The following CLASP1 variants were observed in gnomAD, a reference collection of about 807,000 sequenced individuals.
The protein encoded by CLASP1 is cytoplasmic linker associated protein 1, also known as CLIP-associating protein 1.
A neutral mutation model predicts 192.3 loss-of-function variants in CLASP1; 38 were observed. That is an observed-to-expected ratio of 0.20 (90% confidence interval 0.15 to 0.26). The LOEUF is 0.26. Ranked by LOEUF, CLASP1 falls within the 10% of genes least tolerant of loss-of-function variation. The pLI is 1.00. For synonymous variants in CLASP1, 691 were observed against 712.8 expected (o/e 0.97, Z 0.49); for missense variants, 1,433 against 1,932.5 (o/e 0.74, Z 4.85).
At chr2:121,445,563 T>C in intron 19 of CLASP1, 2 of 886,826 alleles carry the variant, frequency 2.3e-6, no homozygotes, top group Non-Finnish European at 3.2e-6. Flanking sequence ...TGTGTCAACC[T>C]AGGTAGCAAC....
intron 34 of CLASP1, among the ~76,000 whole-genome samples, chr2:121,372,192 C>T (rs1276590549): frequency 6.6e-6 from 1 of 152,062 alleles, no homozygotes; most frequent in East Asian, 1.9e-4. Flanking sequence ...CCAATGGAGC[C>T]CTTTCATTTC....
intron 37 of CLASP1, among the ~76,000 whole-genome samples, chr2:121,352,240 C>G (rs997011576): frequency 1.6e-4 from 25 of 152,258 alleles, no homozygotes; most frequent in Admixed American, 9.8e-4. Context: ...CGGCCATGCA[C>G]AGCCGGCCTG....
chr2:121,385,316 T>A (rs1244769389), intron 32 of CLASP1, among the ~76,000 whole-genome samples: 1 of 152,130 alleles, frequency 6.6e-6, no homozygotes, highest in African/African-American at 2.4e-5. Flanking sequence ...TAAAAAAAAA[T>A]ATTTTTCCAA....
intron 8 of CLASP1, among the ~76,000 whole-genome samples, chr2:121,471,531 T>C (rs541884091): frequency 6.6e-6 from 1 of 152,106 alleles, no homozygotes; most frequent in East Asian, 1.9e-4. Flanking sequence ...AACACACAAA[T>C]AGAATCCTGT....
chr2:121,371,268 T>C (rs892309732), intron 34 of CLASP1, among the ~76,000 whole-genome samples: 1 of 152,038 alleles, frequency 6.6e-6, no homozygotes, highest in Admixed American at 6.6e-5. Flanking sequence ...TCTTACTCTG[T>C]CACCCAAGCT....
chr2:121,407,458 C>T lies in CLASP1; in HGVS notation c.2669+13G>A. 4 of 1,613,490 alleles carry T rather than the reference C, an allele frequency of 2.5e-6. No individual in the cohort carries two copies. The highest frequency in any genetic ancestry group is 3.4e-6 in the Non-Finnish European group (4 of 1,179,606). On this transcript the variant is annotated intron_variant, in intron 25 of 39. Transcript: ENST00000263710. ...GATTCAAACTTAGCTCATATTCTTG[C>T]TGTGGTCCTCACCTCAGTGTTCTTT...
intron 8 of CLASP1, among the ~76,000 whole-genome samples, chr2:121,478,980 ACACCACACACC>A (rs2092305264): frequency 2.0e-5 from 1 of 50,228 alleles, no homozygotes; most frequent in Non-Finnish European, 3.5e-5. Flanking sequence ...CACCACACAC[ACACCACACACC>A]CCACACACAC....
chr2:121,453,090 C>T (rs555384478), intron 14 of CLASP1, among the ~76,000 whole-genome samples: 20 of 152,266 alleles, frequency 1.3e-4, no homozygotes, highest in African/African-American at 4.6e-4. Flanking sequence ...CATTTGAGAC[C>T]AGCCTAGGCA....
At chr2:121,345,198 C>G (rs1558799327) in intron 39 of CLASP1, among the ~76,000 whole-genome samples, 1 of 152,064 alleles carries the variant, frequency 6.6e-6, no homozygotes, top group Non-Finnish European at 1.5e-5. Flanking sequence ...GCTACGAAAG[C>G]AGAAAGATGT....
chr2:121,467,964 T>C (rs1190509787), intron 9 of CLASP1, among the ~76,000 whole-genome samples: 1 of 152,250 alleles, frequency 6.6e-6, no homozygotes, highest in African/African-American at 2.4e-5. Context: ...TTGATTTTTG[T>C]ATAGCGTGTA....
Position 121,564,959 on chromosome 2 carries a change from G to A in CLASP1, c.196-34634C>T, listed in dbSNP as rs537397314. ...GCAGGAGAATGCAGGTGGACAAGGG[G>A]ACTGCCACTGTCAGAGAAAAGAAGT... On this transcript the variant is annotated intron_variant, in intron 2 of 39. Coordinates refer to ENST00000263710, the Ensembl canonical transcript of CLASP1. 4.6e-5 allele frequency among the ~76,000 whole-genome samples: 7 copies of A among 152,318 alleles called. No homozygotes were observed. In the East Asian group the frequency reaches 1.4e-3, roughly 29 times the overall value.
intron 1 of CLASP1, among the ~76,000 whole-genome samples, chr2:121,622,853 C>T (rs757344019): frequency 6.6e-6 from 1 of 152,198 alleles, no homozygotes; most frequent in East Asian, 1.9e-4. Context: ...AATATGAACG[C>T]CTTTTCTTTC....
At chr2:121,356,218 G>C (rs574035708) in intron 37 of CLASP1, among the ~76,000 whole-genome samples, 53 of 152,246 alleles carry the variant, frequency 3.5e-4, no homozygotes, top group Middle Eastern at 6.8e-3. Context: ...CTTGAGCTTA[G>C]CTACTCAATC....
chr2:121,530,648 G>T, intron 2 of CLASP1: 1 of 529,286 alleles, frequency 1.9e-6, no homozygotes, highest in Non-Finnish European at 3.4e-6. Flanking sequence ...GGCGAGAAAA[G>T]CGTATGCAAA....
At position 121,474,229 on chromosome 2, in the gene CLASP1, A is replaced by G. The variant is rs150257622; in HGVS notation, c.713-4269T>C. Reference sequence around the variant, plus strand: ...ATTAGGATATATGTTGCTGTACTAGATGACACACACAAAACTATACAGGAA... The same window carrying G: ...ATTAGGATATATGTTGCTGTACTAGGTGACACACACAAAACTATACAGGAA... On this transcript the variant is annotated intron_variant, in intron 8 of 39. Transcript: ENST00000263710. Among the ~76,000 whole-genome samples, 29 of 152,288 alleles carry G rather than the reference A, an allele frequency of 1.9e-4. No homozygotes were observed. The East Asian group carries it at 5.4e-3, about 28-fold the overall frequency.
intron 8 of CLASP1, among the ~76,000 whole-genome samples, chr2:121,481,157 A>C (rs1167939105): frequency 3.3e-5 from 5 of 152,234 alleles, no homozygotes; most frequent in Non-Finnish European, 5.9e-5. Flanking sequence ...GAAAACCATA[A>C]GTATGGGACA....
At chr2:121,354,786 C>T (rs1358415181) in intron 37 of CLASP1, among the ~76,000 whole-genome samples, 2 of 152,098 alleles carry the variant, frequency 1.3e-5, no homozygotes, top group South Asian at 2.1e-4. Flanking sequence ...TGGGAAGCAG[C>T]TCAGTGGGTG....
intron 2 of CLASP1, among the ~76,000 whole-genome samples, chr2:121,531,363 A>AG (rs1276450052): frequency 6.6e-6 from 1 of 152,130 alleles, no homozygotes; most frequent in Non-Finnish European, 1.5e-5. Context: ...TGGGAGGCCG[A>AG]GGGGGGCGGA....
intron 6 of CLASP1, among the ~76,000 whole-genome samples, chr2:121,524,595 C>T (rs1428599291): frequency 6.6e-6 from 1 of 151,910 alleles, no homozygotes; most frequent in Non-Finnish European, 1.5e-5. Flanking sequence ...TAGCTGCGAT[C>T]ACAGGTGAAC....
Sources: gnomAD v4.1 joint callset for allele counts (sites outside exome capture counted in the v4.1 genomes callset) on GRCh38, gnomAD v4.1.1 for gene constraint, MANE v1.5 for transcripts, NCBI Gene and HGNC (gene_info 2026-07-23, HGNC 2026-07-21) for gene names.